LTBP1: variants seen among roughly 807,000 people sequenced by gnomAD.
LTBP1 encodes latent transforming growth factor beta binding protein 1.
In LTBP1, 129 loss-of-function variants were observed where a neutral mutation model predicts 207.6. The ratio of observed to expected loss-of-function variants is 0.62; its 90% CI spans 0.54 to 0.72. LTBP1 has a LOEUF of 0.72. LTBP1 is among the 30% of genes least tolerant of loss of function. The pLI, the probability that LTBP1 is intolerant of heterozygous loss-of-function variation, is 0.00. For missense variants in LTBP1, 2,281 were observed against 2,217.2 expected, an observed-to-expected ratio of 1.03 and a Z score of -0.58; for synonymous variants, 963 against 833.7, an observed-to-expected ratio of 1.16 and a Z score of -2.67.
At chr2:32,975,583 G>GTTGTTTTTTTTTTTTTTTTT (rs1681597505) in intron 2 of LTBP1, among the ~76,000 whole-genome samples, 1 of 31,360 alleles carries the variant, frequency 3.2e-5, no homozygotes, top group Non-Finnish European at 5.4e-5. Context: ...TTCATTCTTT[G>GTTGTTTTTTTTTTTTTTTTT]TTTTTTTTTT....
intron 3 of LTBP1, among the ~76,000 whole-genome samples, chr2:33,069,984 T>A (rs928917859): frequency 2.4e-4 from 36 of 152,212 alleles, no homozygotes; most frequent in African/African-American, 8.7e-4. Flanking sequence ...ACTTCACCAT[T>A]GCCCTCCTTT....
At chr2:33,338,323 T>G (rs1336680009) in intron 24 of LTBP1, among the ~76,000 whole-genome samples, 2 of 152,196 alleles carry the variant, frequency 1.3e-5, no homozygotes, top group Admixed American at 1.3e-4. Flanking sequence ...AGGTCAATTA[T>G]TTGGTTCCTG....
intron 24 of LTBP1, among the ~76,000 whole-genome samples, chr2:33,329,383 G>T (rs375482279): frequency 1.2e-4 from 19 of 152,244 alleles, no homozygotes; most frequent in Middle Eastern, 3.4e-3. Flanking sequence ...AACTTCAGGT[G>T]AACTCAAGTT....
At chr2:33,109,254 G>A (rs1249366271) in intron 3 of LTBP1, among the ~76,000 whole-genome samples, 2 of 152,116 alleles carry the variant, frequency 1.3e-5, no homozygotes, top group African/African-American at 4.8e-5. Flanking sequence ...TGGTGTTTTG[G>A]GTGGCTTGAC....
Position 33,053,511 on chromosome 2 carries a change from C to T in LTBP1, c.863+32305C>T, listed in dbSNP as rs149547134. 6.5e-3 allele frequency among the ~76,000 whole-genome samples: 986 copies of T among 152,194 alleles called. 9 individuals carry two copies. Among genetic ancestry groups the T allele is most frequent in the African/African-American group, 0.021 (871 of 41,538 alleles). On this transcript the variant is annotated intron_variant, in intron 3 of 33. Coordinates refer to ENST00000404816, the MANE Select transcript of LTBP1 (RefSeq NM_206943.4). ...AGCCCTCGCAGCCCTCGCTCGCTCT[C>T]GGTGCTTCCTCGGCCTCGGCGCCCA...
intron 10 of LTBP1, among the ~76,000 whole-genome samples, chr2:33,245,299 C>T (rs531415272): frequency 5.3e-5 from 8 of 152,210 alleles, no homozygotes; most frequent in South Asian, 2.1e-4. Flanking sequence ...TCATTTTTAA[C>T]GAAGCTTATC....
intron 2 of LTBP1, among the ~76,000 whole-genome samples, chr2:32,979,447 C>T (rs1040300646): frequency 6.6e-6 from 1 of 151,998 alleles, no homozygotes; most frequent in Non-Finnish European, 1.5e-5. Context: ...TATTCATTGG[C>T]CCTCTGATCG....
At position 33,354,683 on chromosome 2, in the gene LTBP1, T is replaced by TACACAC. The variant is rs71409608; in HGVS notation, c.4001-5873_4001-5868dup. Among the ~76,000 whole-genome samples, 396 of 139,758 alleles carry TACACAC rather than the reference T, an allele frequency of 2.8e-3. 1 individual carries two copies. Among genetic ancestry groups the TACACAC allele is most frequent in the East Asian group, 6.9e-3 (33 of 4,772 alleles). The allele number at this position is 139,758 out of a possible 152,430, so 91.7% of individuals were successfully genotyped here. On this transcript the variant is annotated intron_variant, in intron 26 of 33. Coordinates refer to ENST00000404816, the MANE Select transcript of LTBP1 (RefSeq NM_206943.4). Reference sequence around the variant, plus strand: ...CAATCAAAGTGACAAACTAAAACTATACACACACACACACACACACACACA... The same window carrying TACACAC: ...CAATCAAAGTGACAAACTAAAACTATACACACACACACACACACACACACACACACA...
intron 4 of LTBP1, among the ~76,000 whole-genome samples, chr2:33,121,024 G>A (rs1403967130): frequency 6.6e-6 from 1 of 152,096 alleles, no homozygotes; most frequent in Non-Finnish European, 1.5e-5. Flanking sequence ...TTCGCATGGA[G>A]CTAACTTTGG....
At chr2:33,143,507 A>G (rs1473091696) in intron 5 of LTBP1, among the ~76,000 whole-genome samples, 1 of 152,190 alleles carries the variant, frequency 6.6e-6, no homozygotes, top group Non-Finnish European at 1.5e-5. Flanking sequence ...ACTATGTTAG[A>G]GTTTAGGGGC....
chr2:33,328,260 C>A (rs770723329), intron 24 of LTBP1, among the ~76,000 whole-genome samples: 2 of 152,240 alleles, frequency 1.3e-5, no homozygotes, highest in Non-Finnish European at 2.9e-5. Flanking sequence ...AACCAGCCCC[C>A]TGAACCTCCC....
At chr2:33,044,574 C>A (rs1180348022) in intron 3 of LTBP1, among the ~76,000 whole-genome samples, 1 of 152,006 alleles carries the variant, frequency 6.6e-6, no homozygotes, top group Admixed American at 6.6e-5. Flanking sequence ...GCAATAAACA[C>A]GTGTGCATGT....
intron 4 of LTBP1, among the ~76,000 whole-genome samples, chr2:33,122,411 A>T (rs1205350447): frequency 6.6e-6 from 1 of 152,176 alleles, no homozygotes; most frequent in Non-Finnish European, 1.5e-5. Flanking sequence ...ACTATGGGTG[A>T]CCTCACCTTC....
chr2:33,169,239 C>T (rs1231248691), intron 5 of LTBP1, among the ~76,000 whole-genome samples: 1 of 152,206 alleles, frequency 6.6e-6, no homozygotes. Context: ...AGAAGGTCTC[C>T]ATGCCCTTCT....
At chr2:33,083,809 G>GA (rs2078589837) in intron 3 of LTBP1, among the ~76,000 whole-genome samples, 1 of 152,178 alleles carries the variant, frequency 6.6e-6, no homozygotes, top group South Asian at 2.1e-4. Context: ...ATCAGTGACT[G>GA]AAAAAGGAAG....
intron 2 of LTBP1, among the ~76,000 whole-genome samples, chr2:32,968,854 G>A (rs934844826): frequency 2.7e-5 from 4 of 149,116 alleles, no homozygotes. Context: ...CTCCCAAGTA[G>A]CTGGGACTGT....
intron 7 of LTBP1, among the ~76,000 whole-genome samples, chr2:33,203,070 A>AGTCTAGTT (rs140768): frequency 6.6e-6 from 1 of 151,738 alleles, no homozygotes; most frequent in Non-Finnish European, 1.5e-5. Context: ...AGTGTTACTG[A>AGTCTAGTT]GTCTCTTGTG....
chr2:33,215,816 A>G (rs1192025151), intron 7 of LTBP1, among the ~76,000 whole-genome samples: 2 of 151,096 alleles, frequency 1.3e-5, no homozygotes, highest in Non-Finnish European at 1.5e-5. Context: ...CCTGGGTTCA[A>G]GCGATCCCCC....
chr2:33,116,704 A>T (rs917681051), intron 4 of LTBP1, among the ~76,000 whole-genome samples: 15 of 151,638 alleles, frequency 9.9e-5, no homozygotes, highest in African/African-American at 3.1e-4. Context: ...AAAATTGTCT[A>T]GTTGTCATCT....
Sources: allele counts gnomAD v4.1 joint callset (sites outside exome capture counted in the v4.1 genomes callset), GRCh38; gene constraint gnomAD v4.1.1; transcripts MANE v1.5; gene names NCBI Gene and HGNC (gene_info 2026-07-23, HGNC 2026-07-21).